Variants in AGAP1 observed in about 807,000 individuals in gnomAD.
The protein encoded by AGAP1 is ArfGAP with GTPase domain, ankyrin repeat and PH domain 1, also known as arf-GAP with GTPase, ANK repeat and PH domain-containing protein 1.
AGAP1 carries 29 observed loss-of-function variants against 105.3 expected under a neutral mutation model. The ratio of observed to expected loss-of-function variants is 0.28; its 90% CI spans 0.21 to 0.38. The LOEUF is 0.38. AGAP1 is among the 10% of genes least tolerant of loss of function. AGAP1 has a pLI of 1.00. For synonymous variants in AGAP1, 509 were observed against 485.9 expected (o/e 1.05, Z -0.63); for missense variants, 998 against 1,165.1 (o/e 0.86, Z 2.09).
In AGAP1 at chr2:235,900,413, T is replaced by C. The variant is rs1395565982; in HGVS notation, c.1156-8325T>C. 7.0e-6 allele frequency among the ~76,000 whole-genome samples: 1 copy of C among 143,328 alleles called. No individual in the cohort carries two copies. The highest frequency in any genetic ancestry group is 2.6e-5 in the African/African-American group (1 of 38,654). The allele number at this position is 143,328 out of a possible 152,430, so 94.0% of individuals were successfully genotyped here. ...GTGTCTCGGTGGCAGCATTTCTCCC[T>C]CTGGAACTAAGACCCCTAGGCCAGC... is the stretch of plus-strand genomic sequence containing the variant. On this transcript the variant is annotated intron_variant, in intron 10 of 17. Coordinates refer to ENST00000304032, the MANE Select transcript of AGAP1 (RefSeq NM_001037131.3). This position sits in a 1 kb window ranked among gnomAD's most constrained non-coding sequence, Gnocchi z 5.5.
intron 1 of AGAP1, among the ~76,000 whole-genome samples, chr2:235,592,725 G>A (rs1945391225): frequency 1.3e-5 from 2 of 152,298 alleles, no homozygotes; most frequent in East Asian, 3.9e-4. Context: ...TAGTTATGGT[G>A]TCAGTCCCAA....
chr2:236,111,799 A>G (rs1384465902), intron 16 of AGAP1, among the ~76,000 whole-genome samples: 7 of 152,042 alleles, frequency 4.6e-5, no homozygotes, highest in African/African-American at 1.2e-4. Flanking sequence ...CAAAAAAAAA[A>G]AAAAAAAAGA....
chr2:236,047,594 A>ATTTTTTTTTTTT (rs2057759642), intron 15 of AGAP1, among the ~76,000 whole-genome samples: 1 of 92,480 alleles, frequency 1.1e-5, no homozygotes, highest in Non-Finnish European at 2.0e-5. Flanking sequence ...CTCTTCTCAC[A>ATTTTTTTTTTTT]TTTCTTTTTT....
At chr2:236,018,375 A>C (rs989141972) in intron 13 of AGAP1, among the ~76,000 whole-genome samples, 3 of 152,254 alleles carry the variant, frequency 2.0e-5, no homozygotes, top group Non-Finnish European at 4.4e-5. Context: ...AAGAGGACCA[A>C]GTGGCAGAAG....
At chr2:235,944,629 C>T (rs75848893) in intron 12 of AGAP1, among the ~76,000 whole-genome samples, 1 of 152,312 alleles carries the variant, frequency 6.6e-6, no homozygotes, top group East Asian at 1.9e-4. Context: ...ATCTCCACTC[C>T]CCAAAGTGAT....
intron 9 of AGAP1, among the ~76,000 whole-genome samples, chr2:235,844,574 C>T (rs1961250438): frequency 6.6e-6 from 1 of 152,124 alleles, no homozygotes; most frequent in East Asian, 1.9e-4. Flanking sequence ...TGCATTAAAC[C>T]CACCCCCTGA....
rs2055684809 is a variant in AGAP1, at chr2:235,994,058, C to A, written c.1645+25435C>A. On this transcript the variant is annotated intron_variant, in intron 13 of 17. Coordinates refer to ENST00000304032, the MANE Select transcript of AGAP1 (RefSeq NM_001037131.3). The surrounding 1 kb of genome is among the most constrained non-coding windows in gnomAD (Gnocchi z 4.4). ...GATGGCTGTAGCACAGACACCTTCC[C>A]CTGGGACCCCCATTGGCTGTGTGTC... is the stretch of plus-strand genomic sequence containing the variant. Among the ~76,000 whole-genome samples, 1 of 152,242 alleles carries A rather than the reference C, an allele frequency of 6.6e-6. No homozygotes were observed. Among genetic ancestry groups the A allele is most frequent in the Admixed American group, 6.5e-5 (1 of 15,298 alleles).
In AGAP1 at chr2:235,901,812, G is replaced by A. The variant is rs1474320452; in HGVS notation, c.1156-6926G>A. 6.6e-6 allele frequency among the ~76,000 whole-genome samples: 1 copy of A among 151,156 alleles called. No homozygotes were observed. Among genetic ancestry groups the A allele is most frequent in the East Asian group, 1.9e-4 (1 of 5,148 alleles). On this transcript the variant is annotated intron_variant, in intron 10 of 17. Coordinates refer to ENST00000304032, the MANE Select transcript of AGAP1 (RefSeq NM_001037131.3). The surrounding 1 kb of genome is among the most constrained non-coding windows in gnomAD (Gnocchi z 4.3). The stretch of plus-strand genomic sequence containing the variant: ...TAGAATCACTTGAACCCAGGAGACA[G>A]AAATTGCAGTGAGCCGAGATCACAC...
Position 235,723,313 on chromosome 2 carries a change from C to T in AGAP1, c.310+5669C>T, listed in dbSNP as rs1412795374. Among the ~76,000 whole-genome samples the T allele has an allele frequency of 2.0e-5, 3 of 152,120 alleles. No homozygotes were observed. Among genetic ancestry groups the T allele is most frequent in the Non-Finnish European group, 2.9e-5 (2 of 68,028 alleles). On this transcript the variant is annotated intron_variant, in intron 3 of 17. Coordinates refer to ENST00000304032, the MANE Select transcript of AGAP1 (RefSeq NM_001037131.3). This position sits in a 1 kb window ranked among gnomAD's most constrained non-coding sequence, Gnocchi z 6.2. ...GTGTGTTTATGTGCTTAATATTCAG[C>T]GTCCCCCAACACAGACCCCACATGA...
At chr2:235,696,726 T>G (rs950484991) in intron 1 of AGAP1, among the ~76,000 whole-genome samples, 3 of 152,170 alleles carry the variant, frequency 2.0e-5, no homozygotes, top group South Asian at 2.1e-4. Flanking sequence ...GACTTATCTG[T>G]GGGGGAAAAA....
rs1465546206 is a variant in AGAP1, at chr2:235,739,713, A to C, written c.311-1250A>C. On this transcript the variant is annotated intron_variant, in intron 3 of 17. Coordinates refer to ENST00000304032, the MANE Select transcript of AGAP1 (RefSeq NM_001037131.3). The surrounding 1 kb of genome is among the most constrained non-coding windows in gnomAD (Gnocchi z 5.3). ...GAACGGGCCAACGCCCCACTGCCCC[A>C]GTCAGCCCTCTGTGGCCTCAGAGGG... Among the ~76,000 whole-genome samples, 1 of 152,222 alleles carries C rather than the reference A, an allele frequency of 6.6e-6. No individual in the cohort carries two copies. Among genetic ancestry groups the C allele is most frequent in the Non-Finnish European group, 1.5e-5 (1 of 68,042 alleles).
rs2049516273 is a variant in AGAP1, at chr2:235,872,904, A to G, written c.1051-10441A>G. Among the ~76,000 whole-genome samples the G allele has an allele frequency of 6.6e-6, 1 of 152,206 alleles. No individual in the cohort carries two copies. The highest frequency in any genetic ancestry group is 1.5e-5 in the Non-Finnish European group (1 of 68,036). On this transcript the variant is annotated intron_variant, in intron 9 of 17. Transcript: ENST00000304032. The surrounding 1 kb of genome is among the most constrained non-coding windows in gnomAD (Gnocchi z 4.5). ...GAAGGGGCTTGGCTTGTGTTGCCAC[A>G]TGTGAGAAGACCTCTCAATGGGGCT...
intron 1 of AGAP1, among the ~76,000 whole-genome samples, chr2:235,585,129 G>C (rs1239216406): frequency 4.0e-5 from 6 of 151,894 alleles, no homozygotes; most frequent in Admixed American, 3.3e-4. Flanking sequence ...TCTTATCGCT[G>C]TTGTAACAAA....
In AGAP1 at chr2:235,934,853, C is replaced by G. The variant is rs1325357588; in HGVS notation, c.1483+3930C>G. Among the ~76,000 whole-genome samples the G allele has an allele frequency of 1.3e-5, 2 of 151,958 alleles. No individual in the cohort carries two copies. The highest frequency in any genetic ancestry group is 2.9e-5 in the Non-Finnish European group (2 of 68,004). On this transcript the variant is annotated intron_variant, in intron 12 of 17. Coordinates refer to ENST00000304032, the MANE Select transcript of AGAP1 (RefSeq NM_001037131.3). This position sits in a 1 kb window ranked among gnomAD's most constrained non-coding sequence, Gnocchi z 4.9. ...ATTGTTGTGCACTCTTACTCTAAAA[C>G]ATAATAATCACGGCAACATTGGGAT...
chr2:235,529,255 A>G lies in AGAP1; in HGVS notation c.163+34406A>G, dbSNP rs77409747. 3.9e-3 allele frequency among the ~76,000 whole-genome samples: 592 copies of G among 152,344 alleles called. 4 individuals carry two copies. The highest frequency in any genetic ancestry group is 0.013 in the African/African-American group (557 of 41,586). On this transcript the variant is annotated intron_variant, in intron 1 of 17. Transcript: ENST00000304032. ...AGTCCTTCCAGGGAACTAGTCTTAC[A>G]GTATATGCTGGAGGCTACTTTGTGC...
intron 6 of AGAP1, among the ~76,000 whole-genome samples, chr2:235,762,472 C>T (rs1177940943): frequency 6.6e-6 from 1 of 152,112 alleles, no homozygotes; most frequent in Non-Finnish European, 1.5e-5. Flanking sequence ...AGAGCCTCAT[C>T]GAAGCGTTGT....
intron 6 of AGAP1, among the ~76,000 whole-genome samples, chr2:235,761,387 A>G (rs12469659): frequency 0.28 from 42,536 of 152,062 alleles, 6,263 homozygotes; most frequent in Admixed American, 0.41. Context: ...CTATTAGTAA[A>G]TGTTCTCTAT....
At chr2:235,695,729 G>T (rs1192417205) in intron 1 of AGAP1, among the ~76,000 whole-genome samples, 1 of 152,176 alleles carries the variant, frequency 6.6e-6, no homozygotes, top group African/African-American at 2.4e-5. Flanking sequence ...GGTGAAAGAG[G>T]TAAGAGGTAA....
chr2:235,854,270 G>A (rs2048593888), intron 9 of AGAP1, among the ~76,000 whole-genome samples: 1 of 152,210 alleles, frequency 6.6e-6, no homozygotes, highest in Non-Finnish European at 1.5e-5. Context: ...AAGGTCACAT[G>A]GAGAAAGAAT....
Sources: gnomAD v4.1 joint callset for allele counts (sites outside exome capture counted in the v4.1 genomes callset) on GRCh38, gnomAD v4.1.1 for gene constraint, Gnocchi (gnomAD v3.1) non-coding constraint, MANE v1.5 for transcripts, NCBI Gene and HGNC (gene_info 2026-07-23, HGNC 2026-07-21) for gene names.